GPR21: variants seen among roughly 807,000 people sequenced by gnomAD.
GPR21 encodes probable G protein-coupled receptor 21.
Under a neutral mutation model 21.5 loss-of-function variants are expected in GPR21, and 9 were observed. The observed-to-expected ratio is 0.42, with a 90% CI of 0.25 to 0.73. GPR21 has a LOEUF of 0.73. GPR21 is among the 30% of genes least tolerant of loss of function. The pLI is 0.27. For missense variants in GPR21, 416 were observed against 428.9 expected, an observed-to-expected ratio of 0.97 and a Z score of 0.27; for synonymous variants, 169 against 159.3, an observed-to-expected ratio of 1.06 and a Z score of -0.46.
downstream of GPR21, among the ~76,000 whole-genome samples, chr9:123,038,589 G>A (rs909151879): frequency 6.6e-6 from 1 of 152,048 alleles, no homozygotes; most frequent in Non-Finnish European, 1.5e-5. Flanking sequence ...TTACCAGCAA[G>A]CCAAAATGTA....
chr9:123,043,340 C>G, the GPR21 span, among the ~76,000 whole-genome samples: 1 of 151,948 alleles, frequency 6.6e-6, no homozygotes, highest in Non-Finnish European at 1.5e-5. Flanking sequence ...GGAGCAGGAA[C>G]AAAGAAGGCA....
intron 1 of GPR21, 127 bp downstream of exon 1, chr9:123,033,869 G>A (rs1318631570): frequency 6.6e-6 from 1 of 152,234 alleles, no homozygotes; most frequent in African/African-American, 2.4e-5. Context: ...TAATTGTAGT[G>A]AAAGGTTTTC....
chr9:123,040,291 T>C (rs2032890406), downstream of GPR21, among the ~76,000 whole-genome samples: 1 of 152,196 alleles, frequency 6.6e-6, no homozygotes, highest in Non-Finnish European at 1.5e-5. Context: ...TAAAATCATG[T>C]CACTTTATTA....
At chr9:123,046,150 A>C in the GPR21 span, among the ~76,000 whole-genome samples, 1 of 152,178 alleles carries the variant, frequency 6.6e-6, no homozygotes, top group African/African-American at 2.4e-5. Flanking sequence ...TACATTTTGC[A>C]GTAGGGTTAG....
chr9:123,041,826 C>T, the GPR21 span, among the ~76,000 whole-genome samples: 6 of 152,140 alleles, frequency 3.9e-5, no homozygotes, highest in African/African-American at 1.4e-4. Context: ...TCCCTATAAG[C>T]ATAGAGACTA....
In GPR21 at chr9:123,034,474, G is replaced by T; in HGVS notation, c.-93G>T. The T allele has an allele frequency of 1.3e-6, 1 of 775,832 alleles. No homozygotes were observed. The highest frequency in any genetic ancestry group is 1.7e-5 in the South Asian group (1 of 60,504). 48.1% of individuals were successfully genotyped at this position (775,832 alleles called of 1,614,324 possible). A position where few individuals can be genotyped will look rare whatever the true frequency, so the allele number is the denominator to read the frequency against. ...GCTCCTCTGGCATTATTACACACAT[G>T]CAAAGCTGACCGCAATGACAGCAGC... On this transcript the variant is annotated 5_prime_UTR_variant, in exon 2 of 2. The change abolishes an upstream ATG in the 5' untranslated region. Transcript: ENST00000616002.
chr9:123,047,250 T>C, the GPR21 span, among the ~76,000 whole-genome samples: 23 of 152,324 alleles, frequency 1.5e-4, no homozygotes, highest in Admixed American at 9.8e-4. Context: ...CAGAAATGTT[T>C]GTTCGAGGAG....
At chr9:123,043,359 T>C in the GPR21 span, among the ~76,000 whole-genome samples, 1 of 152,020 alleles carries the variant, frequency 6.6e-6, no homozygotes, top group Admixed American at 6.5e-5. Flanking sequence ...CACTAGGAGG[T>C]ATGTCTCTAG....
At chr9:123,042,749 A>T in the GPR21 span, among the ~76,000 whole-genome samples, 1 of 152,338 alleles carries the variant, frequency 6.6e-6, no homozygotes, top group East Asian at 1.9e-4. Flanking sequence ...GAATAGAGGA[A>T]AAGAAAGGAA....
chr9:123,036,586 G>A (rs2032675520), downstream of GPR21, among the ~76,000 whole-genome samples: 1 of 152,186 alleles, frequency 6.6e-6, no homozygotes, highest in African/African-American at 2.4e-5. Context: ...TCGGTCATAA[G>A]CAACTGAGTC....
At chr9:123,037,871 A>G (rs1023831822), downstream of GPR21, among the ~76,000 whole-genome samples, 1 of 152,050 alleles carries the variant, frequency 6.6e-6, no homozygotes, top group African/African-American at 2.4e-5. Flanking sequence ...GCAACATTTG[A>G]TGACATTTAG....
At position 123,035,663 on chromosome 9, in the gene GPR21, TG is replaced by T. The variant is rs780896254; in HGVS notation, c.*48del. On this transcript the variant is annotated 3_prime_UTR_variant, in exon 2 of 2. Transcript: ENST00000616002. ...CCGTGTGTGTGTGTGTGTGTGTGTG[TG>T]TGTGTGTGTGTGTGTGTGTATTTTA... The T allele has an allele frequency of 1.1e-6, 1 of 891,640 alleles. No homozygotes were observed. The highest frequency in any genetic ancestry group is 2.4e-5 in the East Asian group (1 of 41,290). The allele number at this position is 891,640 out of a possible 1,614,324, so 55.2% of individuals were successfully genotyped here.
In GPR21 at chr9:123,034,432, G is replaced by T; in HGVS notation, c.-135G>T. ...GCAATGCACCAGAGCAGCAGCATCA[G>T]GAGCTTGGGGAGTAAGGCTCCTCTG... On this transcript the variant is annotated 5_prime_UTR_variant, in exon 2 of 2. The change creates a new upstream start codon in the 5' untranslated region. Coordinates refer to ENST00000616002, the MANE Select transcript of GPR21 (RefSeq NM_005294.3). 1.5e-6 allele frequency: 1 copy of T among 653,578 alleles called. No homozygotes were observed. The highest frequency in any genetic ancestry group is 1.8e-5 in the African/African-American group (1 of 55,354). 40.5% of individuals were successfully genotyped at this position (653,578 alleles called of 1,614,324 possible).
chr9:123,035,482 C>G lies in GPR21; in HGVS notation c.916C>G (p.Leu306Val). 1 of 1,614,046 alleles carries G rather than the reference C, an allele frequency of 6.2e-7. No individual in the cohort carries two copies. The highest frequency in any genetic ancestry group is 8.5e-7 in the Non-Finnish European group (1 of 1,179,900). The change falls in exon 2 of 2, where the codon CTC becomes GTC. Residue 306 changes from leucine (L) to valine (V), a missense_variant. By Grantham distance (32) the Leu-to-Val change is conservative (BLOSUM62 1). Transcript: ENST00000616002. ...TTTCTGCAACTGTGTAATTTATAGTCTCTCCAACAGTGTATTCCAAAGAGG... is the reference window on the plus strand; with the variant it reads ...TTTCTGCAACTGTGTAATTTATAGTGTCTCCAACAGTGTATTCCAAAGAGG... ...NSFCNCVIYS[L>V]SNSVFQRGLK...
rs1401862540 is a variant in GPR21, at chr9:123,034,416, C to T, written c.-151C>T. On this transcript the variant is annotated 5_prime_UTR_variant, in exon 2 of 2. The change creates a premature stop within an existing upstream ORF in the 5' untranslated region. Coordinates refer to ENST00000616002, the MANE Select transcript of GPR21 (RefSeq NM_005294.3). ...GGGAATTGCACTGCAGGCAATGCACCAGAGCAGCAGCATCAGGAGCTTGGG... is the reference window on the plus strand; with the variant it reads ...GGGAATTGCACTGCAGGCAATGCACTAGAGCAGCAGCATCAGGAGCTTGGG... 1 of 629,828 alleles carries T rather than the reference C, an allele frequency of 1.6e-6. No individual in the cohort carries two copies. The highest frequency in any genetic ancestry group is 2.8e-6 in the Non-Finnish European group (1 of 355,430). The allele number at this position is 629,828 out of a possible 1,614,324, so 39.0% of individuals were successfully genotyped here.
chr9:123,036,081 G>A (rs1015529711), downstream of GPR21, among the ~76,000 whole-genome samples: 1 of 152,160 alleles, frequency 6.6e-6, no homozygotes, highest in African/African-American at 2.4e-5. Flanking sequence ...AAATGAAAAG[G>A]TTTTAGAAAT....
chr9:123,038,254 G>A (rs2032773650), downstream of GPR21, among the ~76,000 whole-genome samples: 2 of 152,024 alleles, frequency 1.3e-5, no homozygotes, highest in South Asian at 4.2e-4. Flanking sequence ...TTCCATTTTG[G>A]AAAAGGTTTT....
chr9:123,039,884 T>C (rs2032868262), downstream of GPR21, among the ~76,000 whole-genome samples: 1 of 148,594 alleles, frequency 6.7e-6, no homozygotes, highest in Non-Finnish European at 1.5e-5. Flanking sequence ...GTTTTCTAGC[T>C]CTGTCTTTCC....
At chr9:123,040,032 C>T (rs1256086177), downstream of GPR21, among the ~76,000 whole-genome samples, 1 of 152,124 alleles carries the variant, frequency 6.6e-6, no homozygotes, top group East Asian at 1.9e-4. Context: ...TCAAGAAGCA[C>T]TTATCTAGTA....
Sources: gnomAD v4.1 joint callset for allele counts (sites outside exome capture counted in the v4.1 genomes callset) on GRCh38, gnomAD v4.1.1 for gene constraint, MANE v1.5 for transcripts, NCBI Gene and HGNC (gene_info 2026-07-23, HGNC 2026-07-21) for gene names.